The following LAMA2 variants were observed in gnomAD, a reference collection of about 807,000 sequenced individuals.
The protein encoded by LAMA2 is laminin subunit alpha-2.
In LAMA2, 269 loss-of-function variants were observed where a neutral mutation model predicts 364.8. That is an observed-to-expected ratio of 0.74 (90% CI 0.67 to 0.82). LAMA2 has a LOEUF of 0.82. Among genes scored for constraint, LAMA2 ranks in the 40% least tolerant of loss-of-function variants. The pLI is 0.00. For missense variants in LAMA2, 3,807 were observed against 3,873.2 expected (o/e 0.98, Z 0.45); for synonymous variants, 1,379 against 1,370.6 (o/e 1.01, Z -0.14).
In LAMA2 at chr6:129,252,061, A is replaced by C. The variant is rs769325144; in HGVS notation, c.1885-23A>C. 3.9e-6 allele frequency: 6 copies of C among 1,554,966 alleles called. No homozygotes were observed. The South Asian group carries it at 4.5e-5, about 12-fold the overall frequency. ...CCTCTTTTCAGTTTTACTCTTTTTT[A>C]TTTCTTTTTTTTCCCCCTTTAGGGT... On this transcript the variant is annotated intron_variant, in intron 13 of 64. Coordinates refer to ENST00000421865, the MANE Select transcript of LAMA2 (RefSeq NM_000426.4).
intron 45 of LAMA2, among the ~76,000 whole-genome samples, chr6:129,452,638 A>C (rs917139750): frequency 1.4e-4 from 22 of 152,226 alleles, no homozygotes; most frequent in Non-Finnish European, 3.1e-4. Flanking sequence ...ACCTTAATGA[A>C]GGTCATTCTC....
chr6:129,099,125 G>T (rs372642515), intron 4 of LAMA2, among the ~76,000 whole-genome samples: 2,341 of 129,584 alleles, frequency 0.018, 52 homozygotes, highest in African/African-American at 0.059. Context: ...TTTTTTTTTT[G>T]TTTTTTTTTT....
intron 22 of LAMA2, among the ~76,000 whole-genome samples, chr6:129,303,529 A>C (rs1773677353): frequency 6.6e-6 from 1 of 152,176 alleles, no homozygotes; most frequent in African/African-American, 2.4e-5. Flanking sequence ...ATAATTGAAA[A>C]TGATGTTGGC....
At chr6:129,415,860 A>G (rs988747588) in intron 40 of LAMA2, among the ~76,000 whole-genome samples, 7 of 152,022 alleles carry the variant, frequency 4.6e-5, no homozygotes, top group Non-Finnish European at 1.0e-4. Context: ...AAAAGAAAAT[A>G]AAAGGCCCAT....
chr6:129,069,474 A>C (rs745466839), intron 3 of LAMA2, among the ~76,000 whole-genome samples: 11 of 148,730 alleles, frequency 7.4e-5, no homozygotes, highest in Non-Finnish European at 1.6e-4. Flanking sequence ...TTTTTAAATA[A>C]GGAATTACAA....
At chr6:129,176,822 T>C (rs1329326665) in intron 9 of LAMA2, among the ~76,000 whole-genome samples, 1 of 152,110 alleles carries the variant, frequency 6.6e-6, no homozygotes, top group Non-Finnish European at 1.5e-5. Flanking sequence ...TGTTTATCTC[T>C]TGTGCACATT....
intron 15 of LAMA2, among the ~76,000 whole-genome samples, chr6:129,261,389 C>T (rs928455573): frequency 1.3e-5 from 2 of 152,020 alleles, no homozygotes; most frequent in African/African-American, 4.8e-5. Context: ...ATTGTTGTCT[C>T]AATATCCTAG....
At chr6:129,384,875 C>T (rs970044115) in intron 35 of LAMA2, among the ~76,000 whole-genome samples, 2 of 151,728 alleles carry the variant, frequency 1.3e-5, no homozygotes, top group Non-Finnish European at 2.9e-5. Context: ...GATAGCTATA[C>T]TTTAGGGAAA....
intron 29 of LAMA2, among the ~76,000 whole-genome samples, chr6:129,336,088 G>A (rs1775942172): frequency 6.6e-6 from 1 of 152,296 alleles, no homozygotes; most frequent in South Asian, 2.1e-4. Context: ...GTCATCTCCA[G>A]TGAAACTTAA....
chr6:129,235,843 C>T (rs1784948428), intron 12 of LAMA2, among the ~76,000 whole-genome samples: 1 of 152,048 alleles, frequency 6.6e-6, no homozygotes, highest in Non-Finnish European at 1.5e-5. Context: ...ACAGTCTGAC[C>T]TACTTATATG....
intron 1 of LAMA2, among the ~76,000 whole-genome samples, chr6:128,996,243 C>T (rs754897904): frequency 1.3e-5 from 2 of 151,866 alleles, no homozygotes; most frequent in Admixed American, 6.6e-5. Context: ...ATGTGAAGAT[C>T]GGGGAAATGA....
chr6:129,051,654 A>G (rs996977826), intron 2 of LAMA2, among the ~76,000 whole-genome samples: 4 of 143,590 alleles, frequency 2.8e-5, no homozygotes, highest in Non-Finnish European at 6.1e-5. Context: ...GATATATTTT[A>G]CATATCTATA....
At chr6:129,483,715 A>G (rs1034319952) in intron 55 of LAMA2, among the ~76,000 whole-genome samples, 3 of 152,214 alleles carry the variant, frequency 2.0e-5, no homozygotes, top group Non-Finnish European at 4.4e-5. Context: ...ATATCAGCAC[A>G]TTAGAAGGTA....
chr6:128,947,055 T>C (rs1006278371), intron 1 of LAMA2, among the ~76,000 whole-genome samples: 3 of 152,236 alleles, frequency 2.0e-5, no homozygotes, highest in Non-Finnish European at 4.4e-5. Context: ...TAAAGTGTTA[T>C]ATCACAGATA....
At chr6:129,254,734 C>A (rs886361727) in intron 14 of LAMA2, among the ~76,000 whole-genome samples, 1 of 152,188 alleles carries the variant, frequency 6.6e-6, no homozygotes, top group Non-Finnish European at 1.5e-5. Context: ...ACTCTTCATT[C>A]TTCTTTTAAG....
At chr6:129,389,500 C>T (rs1473614518) in intron 35 of LAMA2, among the ~76,000 whole-genome samples, 6 of 152,126 alleles carry the variant, frequency 3.9e-5, no homozygotes, top group Admixed American at 2.6e-4. Context: ...TATAAGAGCA[C>T]TAATTTCATT....
At chr6:129,065,904 T>A (rs1212402681) in intron 3 of LAMA2, among the ~76,000 whole-genome samples, 2 of 151,950 alleles carry the variant, frequency 1.3e-5, no homozygotes, top group Non-Finnish European at 2.9e-5. Flanking sequence ...TTTTCCTCAT[T>A]CTCTCCTTGC....
chr6:129,373,159 A>G (rs904888625), intron 34 of LAMA2, among the ~76,000 whole-genome samples: 1 of 152,170 alleles, frequency 6.6e-6, no homozygotes, highest in African/African-American at 2.4e-5. Flanking sequence ...CTTATCAATT[A>G]GGTTTCTCCT....
At chr6:129,480,328 T>C (rs1419179644) in intron 54 of LAMA2, among the ~76,000 whole-genome samples, 2 of 152,172 alleles carry the variant, frequency 1.3e-5, no homozygotes, top group Non-Finnish European at 2.9e-5. Context: ...AATGAATATT[T>C]TAAGCACTTT....
Sources: allele counts gnomAD v4.1 joint callset (sites outside exome capture counted in the v4.1 genomes callset), GRCh38; gene constraint gnomAD v4.1.1; transcripts MANE v1.5; gene names NCBI Gene and HGNC (gene_info 2026-07-23, HGNC 2026-07-21).